CNOT4: variants seen among roughly 807,000 people sequenced by gnomAD.
CNOT4 encodes the protein CCR4-NOT transcription complex subunit 4.
A neutral mutation model predicts 73.8 loss-of-function variants in CNOT4; 8 were observed. The observed-to-expected ratio is 0.11, with a 90% confidence interval of 0.06 to 0.20. The LOEUF is 0.20. Ranked by LOEUF, CNOT4 falls within the 10% of genes least tolerant of loss-of-function variation. CNOT4 has a pLI of 1.00. For missense variants in CNOT4, 564 were observed against 883.4 expected, an observed-to-expected ratio of 0.64 and a Z score of 4.58; for synonymous variants, 293 against 321.1, an observed-to-expected ratio of 0.91 and a Z score of 0.94.
intron 1 of CNOT4, among the ~76,000 whole-genome samples, chr7:135,445,939 G>T (rs1358673738): frequency 1.3e-5 from 2 of 152,068 alleles, no homozygotes; most frequent in Non-Finnish European, 2.9e-5. Flanking sequence ...GTGAGTGGTG[G>T]GATCATAGCT....
chr7:135,440,175 C>A (rs1799388578), intron 1 of CNOT4, among the ~76,000 whole-genome samples: 2 of 139,796 alleles, frequency 1.4e-5, no homozygotes, highest in Admixed American at 7.3e-5. Flanking sequence ...AGCTAATGTC[C>A]AGAATATATA....
chr7:135,499,934 C>T (rs903627139), intron 1 of CNOT4, among the ~76,000 whole-genome samples: 3 of 152,076 alleles, frequency 2.0e-5, no homozygotes, highest in Non-Finnish European at 2.9e-5. Context: ...ACAGCACACA[C>T]GATCAGCTAA....
chr7:135,482,986 C>CAAAAAAAAAAAAA (rs36125617), intron 1 of CNOT4, among the ~76,000 whole-genome samples: 2 of 43,500 alleles, frequency 4.6e-5, no homozygotes, highest in Non-Finnish European at 8.3e-5. Context: ...GACTCCATAT[C>CAAAAAAAAAAAAA]AAAAAAAAAA....
Position 135,363,255 on chromosome 7 carries a change from AT to A in CNOT4, c.1841-70del. ...TGGAAAGAATAAGGTCGTCAAACAA[AT>A]TTAGAAAGCAAAACCAAAAGGAAAG... is the stretch of plus-strand genomic sequence containing the variant. On this transcript the variant is annotated intron_variant, in intron 11 of 11. Coordinates refer to ENST00000541284, the MANE Select transcript of CNOT4 (RefSeq NM_001190850.2). This position sits in a 1 kb window ranked among gnomAD's most constrained non-coding sequence, Gnocchi z 4.3. 2 of 1,464,214 alleles carry A rather than the reference AT, an allele frequency of 1.4e-6. No homozygotes were observed. Among genetic ancestry groups the A allele is most frequent in the Non-Finnish European group, 1.9e-6 (2 of 1,056,550 alleles). 90.7% of individuals were successfully genotyped at this position (1,464,214 alleles called of 1,614,324 possible).
At chr7:135,477,986 AC>A (rs1802103479) in intron 1 of CNOT4, among the ~76,000 whole-genome samples, 1 of 152,166 alleles carries the variant, frequency 6.6e-6, no homozygotes. Context: ...GTGCTTATTA[AC>A]ATGCACAAAT....
intron 1 of CNOT4, among the ~76,000 whole-genome samples, chr7:135,492,251 A>C (rs569595149): frequency 1.3e-5 from 2 of 152,278 alleles, no homozygotes; most frequent in East Asian, 3.9e-4. Context: ...CTTACCATGA[A>C]TTTAAAGTGA....
chr7:135,401,905 T>C (rs898590304), intron 7 of CNOT4, among the ~76,000 whole-genome samples: 1 of 152,144 alleles, frequency 6.6e-6, no homozygotes, highest in African/African-American at 2.4e-5. Context: ...CATTGAAAAG[T>C]ACTGGATTCA....
chr7:135,452,805 T>C (rs185362842), intron 1 of CNOT4, among the ~76,000 whole-genome samples: 46 of 152,296 alleles, frequency 3.0e-4, no homozygotes, highest in Admixed American at 2.2e-3. Context: ...CATCAGTATG[T>C]TTCCTATCAA....
chr7:135,405,497 A>C (rs1797230225), intron 7 of CNOT4, among the ~76,000 whole-genome samples: 1 of 152,188 alleles, frequency 6.6e-6, no homozygotes, highest in Admixed American at 6.5e-5. Flanking sequence ...CCCCAAACTT[A>C]AAAATAATAA....
chr7:135,395,665 T>C lies in CNOT4; in HGVS notation c.1098A>G (p.Thr366=). 2 of 1,614,084 alleles carry C rather than the reference T, an allele frequency of 1.2e-6. No individual in the cohort carries two copies. The highest frequency in any genetic ancestry group is 8.5e-7 in the Non-Finnish European group (1 of 1,179,938). Residue 366 remains threonine, a synonymous_variant, in exon 9 of 12, where the codon ACA becomes ACG. Transcript: ENST00000541284. ...SSPQTSSDWP[T]APEPQSLFTS... Reference sequence around the variant, plus strand: ...TGAAGAGGCTCTGTGGTTCTGGTGCTGTAGGCCAGTCACTGGATGTCTGTG... The same window carrying C: ...TGAAGAGGCTCTGTGGTTCTGGTGCCGTAGGCCAGTCACTGGATGTCTGTG...
chr7:135,368,874 G>C (rs1795051888), intron 10 of CNOT4, among the ~76,000 whole-genome samples: 1 of 152,180 alleles, frequency 6.6e-6, no homozygotes, highest in Admixed American at 6.5e-5. Flanking sequence ...CACACAGTTA[G>C]CATTAATAGC....
chr7:135,454,292 A>C (rs977709531), intron 1 of CNOT4, among the ~76,000 whole-genome samples: 1 of 151,994 alleles, frequency 6.6e-6, no homozygotes, highest in African/African-American at 2.4e-5. Context: ...TTTCCAATAG[A>C]AAATGTTAAC....
intron 7 of CNOT4, among the ~76,000 whole-genome samples, chr7:135,402,115 T>TA (rs1448872423): frequency 6.6e-6 from 1 of 151,184 alleles, no homozygotes; most frequent in Non-Finnish European, 1.5e-5. Context: ...ACTATATCTT[T>TA]TTTTTTTTTT....
At chr7:135,416,991 A>T (rs998553136) in intron 3 of CNOT4, among the ~76,000 whole-genome samples, 2 of 152,178 alleles carry the variant, frequency 1.3e-5, no homozygotes, top group Non-Finnish European at 2.9e-5. Context: ...GTATTTTCCC[A>T]GCTTTGTTTA....
chr7:135,435,980 C>G (rs1313588804), intron 2 of CNOT4, among the ~76,000 whole-genome samples: 1 of 151,716 alleles, frequency 6.6e-6, no homozygotes, highest in Non-Finnish European at 1.5e-5. Flanking sequence ...CCCAACTACA[C>G]TGATATTTTT....
At chr7:135,413,398 A>G (rs1291745270) in intron 6 of CNOT4, 90 bp downstream of exon 6, 3 of 1,457,788 alleles carry the variant, frequency 2.1e-6, no homozygotes, top group African/African-American at 1.4e-5. Flanking sequence ...TACAAAATCA[A>G]ATCCTTAGTT....
At chr7:135,416,339 T>C (rs1040338121) in intron 3 of CNOT4, among the ~76,000 whole-genome samples, 1 of 152,166 alleles carries the variant, frequency 6.6e-6, no homozygotes, top group Non-Finnish European at 1.5e-5. Context: ...ACCTAATTAA[T>C]AGAAAGTAAT....
chr7:135,503,938 A>G (rs1222629227), intron 1 of CNOT4, among the ~76,000 whole-genome samples: 1 of 152,222 alleles, frequency 6.6e-6, no homozygotes, highest in Admixed American at 6.5e-5. Flanking sequence ...AAAATATGGG[A>G]GGCAGAAAAT....
intron 10 of CNOT4, among the ~76,000 whole-genome samples, chr7:135,376,144 T>G (rs1320653260): frequency 6.6e-6 from 1 of 152,032 alleles, no homozygotes; most frequent in East Asian, 1.9e-4. Context: ...GAATTATAAC[T>G]CATATGCAAA....
Sources: gnomAD v4.1 joint callset for allele counts (sites outside exome capture counted in the v4.1 genomes callset) on GRCh38, gnomAD v4.1.1 for gene constraint, Gnocchi (gnomAD v3.1) non-coding constraint, MANE v1.5 for transcripts, NCBI Gene and HGNC (gene_info 2026-07-23, HGNC 2026-07-21) for gene names.